The following GRIN2B variants were observed in gnomAD, a reference collection of about 807,000 sequenced individuals.
The protein encoded by GRIN2B is glutamate ionotropic receptor NMDA type subunit 2B.
Under a neutral mutation model 114.5 loss-of-function variants are expected in GRIN2B, and 5 were observed. That is an observed-to-expected ratio of 0.04 (90% CI 0.02 to 0.09). GRIN2B has a LOEUF of 0.09. Ranked by LOEUF, GRIN2B falls within the 10% of genes least tolerant of loss-of-function variation. The probability of loss-of-function intolerance (pLI) is 1.00; values close to 1 mark genes in which losing one functional copy is unlikely to be tolerated. For synonymous variants in GRIN2B, 787 were observed against 745.1 expected, an observed-to-expected ratio of 1.06 and a Z score of -0.92; for missense variants, 1,108 against 1,943.5, an observed-to-expected ratio of 0.57 and a Z score of 8.08.
chr12:13,962,432 G>T (rs765472013), intron 2 of GRIN2B, among the ~76,000 whole-genome samples: 1 of 152,146 alleles, frequency 6.6e-6, no homozygotes. Flanking sequence ...TTAGAAAATT[G>T]CATTCGTTTT....
chr12:13,785,323 T>C (rs1250628358), intron 3 of GRIN2B, among the ~76,000 whole-genome samples: 1 of 152,212 alleles, frequency 6.6e-6, no homozygotes, highest in African/African-American at 2.4e-5. Context: ...GGTGTGATCA[T>C]ATCACTCCCC....
intron 10 of GRIN2B, among the ~76,000 whole-genome samples, chr12:13,586,906 GTCT>G (rs1414587104): frequency 6.6e-6 from 1 of 152,060 alleles, no homozygotes; most frequent in African/African-American, 2.4e-5. Flanking sequence ...TTACATAACT[GTCT>G]TCTTATTCAT....
chr12:13,879,009 T>C (rs1866031508), intron 2 of GRIN2B, among the ~76,000 whole-genome samples: 1 of 152,226 alleles, frequency 6.6e-6, no homozygotes, highest in African/African-American at 2.4e-5. Flanking sequence ...TTTATTCTTC[T>C]CTTTGATTTG....
At chr12:13,907,809 C>G (rs1866568727) in intron 2 of GRIN2B, among the ~76,000 whole-genome samples, 1 of 151,868 alleles carries the variant, frequency 6.6e-6, no homozygotes, top group African/African-American at 2.4e-5. Flanking sequence ...AGTATATGAA[C>G]AAGAGCTCAA....
rs1040390087 is a variant in GRIN2B at position 13,674,225 on chromosome 12, T to G, written c.1125+1520A>C. The stretch of plus-strand genomic sequence containing the variant: ...AAATTTGAAAGTTGGCCAGGCATGG[T>G]GATACACACCTATAGTCCCAGCTAC... On this transcript the variant is annotated intron_variant, in intron 5 of 13. Coordinates refer to ENST00000609686, the MANE Select transcript of GRIN2B (RefSeq NM_000834.5). Among the ~76,000 whole-genome samples, 3 of 151,974 alleles carry G rather than the reference T, an allele frequency of 2.0e-5. No individual in the cohort carries two copies. In the East Asian group the frequency reaches 5.8e-4, roughly 30 times the overall value.
chr12:13,808,751 AAAT>A (rs372008914), intron 3 of GRIN2B, among the ~76,000 whole-genome samples: 15,787 of 126,656 alleles, frequency 0.12, 1,340 homozygotes, highest in Middle Eastern at 0.18. Context: ...AATAAAAAAA[AAAT>A]ATATATATAT....
chr12:13,743,379 A>G (rs946223469), intron 4 of GRIN2B, among the ~76,000 whole-genome samples: 1 of 152,168 alleles, frequency 6.6e-6, no homozygotes, highest in Non-Finnish European at 1.5e-5. Context: ...AGCACGTGTG[A>G]CAGAAGTGAG....
intron 2 of GRIN2B, among the ~76,000 whole-genome samples, chr12:13,926,129 G>A (rs190583312): frequency 2.0e-5 from 3 of 152,168 alleles, no homozygotes; most frequent in Admixed American, 2.0e-4. Context: ...TTAGACCAAG[G>A]AGAAGAAAGG....
chr12:13,917,981 AG>A (rs1329233895), intron 2 of GRIN2B, among the ~76,000 whole-genome samples: 2 of 152,134 alleles, frequency 1.3e-5, no homozygotes, highest in Non-Finnish European at 2.9e-5. Flanking sequence ...TCTCAAATAA[AG>A]GCATCACAGT....
intron 3 of GRIN2B, among the ~76,000 whole-genome samples, chr12:13,805,084 T>A (rs752728125): frequency 6.6e-6 from 1 of 152,324 alleles, no homozygotes; most frequent in Middle Eastern, 3.4e-3. Context: ...GAAGTCAATT[T>A]ATTTCATTTT....
intron 2 of GRIN2B, among the ~76,000 whole-genome samples, chr12:13,895,871 G>T (rs1395228989): frequency 6.6e-6 from 1 of 152,070 alleles, no homozygotes; most frequent in Non-Finnish European, 1.5e-5. Context: ...TAAGAGTCCT[G>T]TGCCTATTAA....
chr12:13,575,407 C>A (rs967203292), intron 10 of GRIN2B, among the ~76,000 whole-genome samples: 1 of 152,040 alleles, frequency 6.6e-6, no homozygotes, highest in Non-Finnish European at 1.5e-5. Context: ...GCCTGTAATC[C>A]CAGCACTTTG....
chr12:13,882,286 C>G (rs944477103), intron 2 of GRIN2B, among the ~76,000 whole-genome samples: 3 of 152,190 alleles, frequency 2.0e-5, no homozygotes, highest in African/African-American at 7.2e-5. Context: ...AAATGGAACT[C>G]TGGCAGAGGA....
intron 4 of GRIN2B, among the ~76,000 whole-genome samples, chr12:13,725,913 G>T (rs1333392721): frequency 6.6e-6 from 1 of 152,054 alleles, no homozygotes; most frequent in Non-Finnish European, 1.5e-5. Context: ...CTCTCCTGGA[G>T]ATTTCACCAG....
chr12:13,579,931 C>T (rs909792120), intron 10 of GRIN2B, among the ~76,000 whole-genome samples: 22 of 152,152 alleles, frequency 1.4e-4, no homozygotes, highest in African/African-American at 4.8e-4. Context: ...GGAAGGGTGG[C>T]GATGGGGCGT....
intron 3 of GRIN2B, among the ~76,000 whole-genome samples, chr12:13,823,271 T>A (rs1367526152): frequency 6.6e-6 from 1 of 152,072 alleles, no homozygotes; most frequent in East Asian, 1.9e-4. Context: ...AGAGTTGAAA[T>A]CTTAAAATAC....
intron 3 of GRIN2B, among the ~76,000 whole-genome samples, chr12:13,783,390 G>A (rs1022783389): frequency 7.2e-6 from 1 of 138,312 alleles, no homozygotes; most frequent in Non-Finnish European, 1.6e-5. Flanking sequence ...GACATTCTTT[G>A]ATCTCCAAAA....
chr12:13,700,424 C>A (rs1020501375), intron 4 of GRIN2B, among the ~76,000 whole-genome samples: 4 of 152,182 alleles, frequency 2.6e-5, no homozygotes, highest in African/African-American at 4.8e-5. Flanking sequence ...CTATCACTTT[C>A]TCCATCAAGA....
In GRIN2B at chr12:13,734,878, G is replaced by C. The variant is rs1006314591; in HGVS notation, c.1010+18439C>G. On this transcript the variant is annotated intron_variant, in intron 4 of 13. Coordinates refer to ENST00000609686, the MANE Select transcript of GRIN2B (RefSeq NM_000834.5). The stretch of plus-strand genomic sequence containing the variant: ...AAATTGAAAGAGAGGAGCATCACAA[G>C]GAACAGCCTATGCAAATGCATGAAG... Among the ~76,000 whole-genome samples the C allele has an allele frequency of 4.6e-5, 7 of 152,188 alleles. No homozygotes were observed. The East Asian group carries it at 1.4e-3, about 29-fold the overall frequency.
Sources: gnomAD v4.1 joint callset for allele counts (sites outside exome capture counted in the v4.1 genomes callset) on GRCh38, gnomAD v4.1.1 for gene constraint, MANE v1.5 for transcripts, NCBI Gene and HGNC (gene_info 2026-07-23, HGNC 2026-07-21) for gene names.